Variants in FAM135A observed in about 807,000 individuals in gnomAD.
FAM135A encodes family with sequence similarity 135 member A, also known as protein FAM135A.
FAM135A carries 79 observed loss-of-function variants against 146.8 expected under a neutral mutation model. The ratio of observed to expected loss-of-function variants is 0.54; its 90% CI spans 0.45 to 0.65. FAM135A has a LOEUF of 0.65. Ranked by LOEUF, FAM135A falls within the 30% of genes least tolerant of loss-of-function variation. The probability of loss-of-function intolerance (pLI) is 0.00; values close to 1 mark genes in which losing one functional copy is unlikely to be tolerated. For missense variants in FAM135A, 1,623 were observed against 1,758.2 expected, an observed-to-expected ratio of 0.92 and a Z score of 1.38; for synonymous variants, 562 against 603.6, an observed-to-expected ratio of 0.93 and a Z score of 1.01.
intron 4 of FAM135A, among the ~76,000 whole-genome samples, chr6:70,436,610 C>T (rs55990553): frequency 6.6e-5 from 10 of 151,450 alleles, no homozygotes; most frequent in African/African-American, 1.7e-4. Context: ...TTGATGTTGG[C>T]GATATGAAAA....
chr6:70,532,837 C>T (rs1002591593), intron 16 of FAM135A, among the ~76,000 whole-genome samples: 4 of 151,906 alleles, frequency 2.6e-5, no homozygotes, highest in Admixed American at 6.6e-5. Flanking sequence ...GAGCTTGAGG[C>T]AGGAGAATCG....
In FAM135A at chr6:70,524,136, A is replaced by T. The variant is rs763660720; in HGVS notation, c.1258+15A>T. The T allele has an allele frequency of 1.3e-6, 2 of 1,594,708 alleles. No homozygotes were observed. The highest frequency in any genetic ancestry group is 1.7e-5 in the Admixed American group (1 of 57,268). On this transcript the variant is annotated intron_variant, in intron 14 of 21. Coordinates refer to ENST00000418814, the MANE Select transcript of FAM135A (RefSeq NM_001162529.3). The stretch of plus-strand genomic sequence containing the variant: ...AGTTACTGAAGGTAAGTGTAATCTA[A>T]CTAAAATATACAAGCTATGTGTATA...
chr6:70,498,945 T>G (rs937333425), intron 11 of FAM135A, among the ~76,000 whole-genome samples: 2 of 152,242 alleles, frequency 1.3e-5, no homozygotes, highest in Non-Finnish European at 2.9e-5. Flanking sequence ...GAAGAATGTA[T>G]ATTCTGTTGA....
intron 12 of FAM135A, chr6:70,504,381 C>G (rs1239534865): frequency 2.6e-5 from 4 of 151,966 alleles, no homozygotes; most frequent in African/African-American, 9.7e-5. Flanking sequence ...ACTAATAGAT[C>G]CTCTCTCATT....
chr6:70,488,940 A>G (rs9455130), intron 10 of FAM135A, among the ~76,000 whole-genome samples: 43,750 of 152,064 alleles, frequency 0.29, 8,519 homozygotes, highest in African/African-American at 0.55. Flanking sequence ...AAGTGATTTC[A>G]AAATTATTTT....
chr6:70,416,781 A>C (rs1007068392), intron 2 of FAM135A, among the ~76,000 whole-genome samples: 23 of 152,160 alleles, frequency 1.5e-4, no homozygotes, highest in African/African-American at 5.1e-4. Flanking sequence ...AGAAAGAGGA[A>C]TAAGAAGCAG....
chr6:70,501,385 G>T (rs556896960), intron 11 of FAM135A, among the ~76,000 whole-genome samples: 2 of 152,326 alleles, frequency 1.3e-5, no homozygotes, highest in South Asian at 2.1e-4. Context: ...AGACTGCTGT[G>T]CTGGCAGCGA....
intron 12 of FAM135A, chr6:70,513,392 T>C (rs1424751297): frequency 1.3e-5 from 2 of 149,570 alleles, no homozygotes; most frequent in Middle Eastern, 3.5e-3. Context: ...CAATTTCTTT[T>C]TTTTTTTTTT....
At chr6:70,550,082 T>A (rs1369818037) in intron 20 of FAM135A, among the ~76,000 whole-genome samples, 1 of 152,218 alleles carries the variant, frequency 6.6e-6, no homozygotes, top group Non-Finnish European at 1.5e-5. Context: ...ATCTTCAGGC[T>A]CCACTTCTAA....
At chr6:70,446,313 G>A (rs867977232) in intron 4 of FAM135A, among the ~76,000 whole-genome samples, 37 of 152,218 alleles carry the variant, frequency 2.4e-4, no homozygotes, top group African/African-American at 7.5e-4. Context: ...CTATACCACC[G>A]TAATTCCAGA....
intron 4 of FAM135A, among the ~76,000 whole-genome samples, chr6:70,444,622 A>G (rs1371718055): frequency 1.3e-5 from 2 of 152,144 alleles, no homozygotes; most frequent in African/African-American, 4.8e-5. Flanking sequence ...ATATCTTTTA[A>G]AGTAGCAATA....
At chr6:70,432,632 A>G (rs1255182799) in intron 4 of FAM135A, among the ~76,000 whole-genome samples, 1 of 152,164 alleles carries the variant, frequency 6.6e-6, no homozygotes, top group Non-Finnish European at 1.5e-5. Flanking sequence ...TAAATAAGGT[A>G]TGAAATAAGA....
chr6:70,516,530 CTTTTTTTT>C (rs1174927909), intron 12 of FAM135A, among the ~76,000 whole-genome samples: 1 of 84,958 alleles, frequency 1.2e-5, no homozygotes, highest in Non-Finnish European at 2.2e-5. Context: ...ATTTTCTTTT[CTTTTTTTT>C]TTTTTTTTTT....
rs373811132 is a variant in FAM135A, at chr6:70,455,880, T to A, written c.157+3309T>A. On this transcript the variant is annotated intron_variant, in intron 5 of 21. Transcript: ENST00000418814. The stretch of plus-strand genomic sequence containing the variant: ...TTAATTCATTTTTTTTGAAGCGGAG[T>A]CTTGCCCTATCGCCAGGCTGGAGTG... Among the ~76,000 whole-genome samples the A allele has an allele frequency of 9.9e-5, 15 of 152,154 alleles. No individual in the cohort carries two copies. The East Asian group carries it at 2.5e-3, about 25-fold the overall frequency.
At chr6:70,507,317 T>G (rs1460635206) in intron 12 of FAM135A, among the ~76,000 whole-genome samples, 1 of 152,132 alleles carries the variant, frequency 6.6e-6, no homozygotes, top group Admixed American at 6.5e-5. Context: ...ACCTTGCTAA[T>G]AAAATATCTT....
chr6:70,504,943 A>G (rs1268523790), intron 12 of FAM135A: 1 of 151,828 alleles, frequency 6.6e-6, no homozygotes, highest in Non-Finnish European at 1.5e-5. Context: ...CTGGGCAACA[A>G]GAGTCAAACT....
At chr6:70,488,474 C>G (rs1039035521) in intron 10 of FAM135A, among the ~76,000 whole-genome samples, 1 of 150,666 alleles carries the variant, frequency 6.6e-6, no homozygotes, top group South Asian at 2.1e-4. Flanking sequence ...AGCCCCCCCC[C>G]CCAGAAATAT....
chr6:70,453,095 G>A (rs868727462), intron 5 of FAM135A, among the ~76,000 whole-genome samples: 1 of 152,138 alleles, frequency 6.6e-6, no homozygotes, highest in Non-Finnish European at 1.5e-5. Flanking sequence ...AAGGGGTTAA[G>A]TTAAAACTGG....
At chr6:70,540,516 G>A (rs1490650720) in intron 20 of FAM135A, among the ~76,000 whole-genome samples, 2 of 151,678 alleles carry the variant, frequency 1.3e-5, no homozygotes, top group African/African-American at 2.4e-5. Flanking sequence ...TAGTAGAGAC[G>A]GGGTTTCACC....
Sources: allele counts gnomAD v4.1 joint callset (sites outside exome capture counted in the v4.1 genomes callset), GRCh38; gene constraint gnomAD v4.1.1; transcripts MANE v1.5; gene names NCBI Gene and HGNC (gene_info 2026-07-23, HGNC 2026-07-21).